CNTNAP2: variants seen among roughly 807,000 people sequenced by gnomAD.
CNTNAP2 encodes contactin associated protein 2.
Under a neutral mutation model 155.2 loss-of-function variants are expected in CNTNAP2, and 98 were observed. The observed-to-expected ratio is 0.63, with a 90% CI of 0.54 to 0.75. The LOEUF (loss-of-function observed/expected upper bound fraction) is 0.75. Among genes scored for constraint, CNTNAP2 ranks in the 30% least tolerant of loss-of-function variants. The pLI, the probability that CNTNAP2 is intolerant of heterozygous loss-of-function variation, is 0.00. For synonymous variants in CNTNAP2, 651 were observed against 631.2 expected, an observed-to-expected ratio of 1.03 and a Z score of -0.47; for missense variants, 1,727 against 1,688.1, an observed-to-expected ratio of 1.02 and a Z score of -0.40.
At chr7:147,381,815 A>G (rs1421371785) in intron 9 of CNTNAP2, among the ~76,000 whole-genome samples, 1 of 152,068 alleles carries the variant, frequency 6.6e-6, no homozygotes, top group East Asian at 1.9e-4. Context: ...ACTTTAGTAT[A>G]AACATATTTT....
At position 146,808,626 on chromosome 7, in the gene CNTNAP2, A is replaced by G. The variant is rs150143466; in HGVS notation, c.209-31085A>G. On this transcript the variant is annotated intron_variant, in intron 2 of 23. Transcript: ENST00000361727. ...AGGATTATCAAAATCAAGTTAATAC[A>G]TTCATTACCACTCATGCTGTACATT... Among the ~76,000 whole-genome samples the G allele has an allele frequency of 2.6e-5, 4 of 152,338 alleles. No homozygotes were observed. The East Asian group carries it at 7.7e-4, about 29-fold the overall frequency.
intron 1 of CNTNAP2, among the ~76,000 whole-genome samples, chr7:146,300,688 C>T (rs940891291): frequency 5.3e-5 from 8 of 151,992 alleles, no homozygotes; most frequent in Non-Finnish European, 1.2e-4. Flanking sequence ...CTCATACTCA[C>T]CTGCTTGGAG....
At chr7:147,755,909 G>C (rs1442418251) in intron 13 of CNTNAP2, among the ~76,000 whole-genome samples, 1 of 152,138 alleles carries the variant, frequency 6.6e-6, no homozygotes, top group Non-Finnish European at 1.5e-5. Flanking sequence ...AGTTTGTAGG[G>C]AGTAGATTTA....
intron 21 of CNTNAP2, among the ~76,000 whole-genome samples, chr7:148,283,076 A>G (rs1797000906): frequency 6.6e-6 from 1 of 151,590 alleles, no homozygotes; most frequent in Admixed American, 6.6e-5. Context: ...CTCTACTTTA[A>G]AAAACTACAA....
intron 10 of CNTNAP2, among the ~76,000 whole-genome samples, chr7:147,410,698 G>A (rs764415347): frequency 1.2e-4 from 18 of 152,052 alleles, no homozygotes; most frequent in Non-Finnish European, 1.9e-4. Flanking sequence ...TAACTGAGAC[G>A]TGATGTTAGT....
At chr7:146,222,541 AGTGTGTGTGTGTGTGT>A (rs10616515) in intron 1 of CNTNAP2, among the ~76,000 whole-genome samples, 5 of 147,268 alleles carry the variant, frequency 3.4e-5, no homozygotes, top group African/African-American at 7.5e-5. Flanking sequence ...ACTAAAGCAT[AGTGTGTGTGTGTGTGT>A]GTGTGTGTGT....
chr7:147,740,347 C>A (rs1175555273), intron 13 of CNTNAP2, among the ~76,000 whole-genome samples: 2 of 151,994 alleles, frequency 1.3e-5, no homozygotes, highest in Non-Finnish European at 2.9e-5. Flanking sequence ...ATTGGGCCCC[C>A]AAAAATAGTA....
At chr7:147,659,528 A>G (rs984498010) in intron 13 of CNTNAP2, among the ~76,000 whole-genome samples, 8 of 152,230 alleles carry the variant, frequency 5.3e-5, no homozygotes, top group Admixed American at 4.6e-4. Context: ...TCTGTGCATT[A>G]TTGTTAAAAA....
chr7:146,422,359 G>GTGTATATATA (rs1554431181), intron 1 of CNTNAP2, among the ~76,000 whole-genome samples: 1 of 148,118 alleles, frequency 6.8e-6, no homozygotes, highest in African/African-American at 2.5e-5. Flanking sequence ...GTATATATAT[G>GTGTATATATA]TATATATATA....
intron 1 of CNTNAP2, among the ~76,000 whole-genome samples, chr7:146,686,515 ACTCCT>A (rs1459981952): frequency 6.6e-6 from 1 of 151,950 alleles, no homozygotes; most frequent in Non-Finnish European, 1.5e-5. Flanking sequence ...AGACTTATGT[ACTCCT>A]CTCCTAGGGA....
At chr7:146,665,038 T>A (rs1346244411) in intron 1 of CNTNAP2, among the ~76,000 whole-genome samples, 1 of 152,138 alleles carries the variant, frequency 6.6e-6, no homozygotes, top group Non-Finnish European at 1.5e-5. Context: ...AACTTCTACC[T>A]CCCAGGTTCA....
intron 1 of CNTNAP2, among the ~76,000 whole-genome samples, chr7:146,253,884 C>T (rs1799795538): frequency 6.8e-6 from 1 of 146,060 alleles, no homozygotes; most frequent in Non-Finnish European, 1.5e-5. Context: ...TAGTGCAACC[C>T]TGTCACTACA....
intron 9 of CNTNAP2, among the ~76,000 whole-genome samples, chr7:147,306,816 T>G (rs1795037930): frequency 6.6e-6 from 1 of 152,154 alleles, no homozygotes; most frequent in Non-Finnish European, 1.5e-5. Context: ...AACTTGACCT[T>G]GATATGCAGC....
chr7:147,271,181 C>A (rs1422647411), intron 8 of CNTNAP2, among the ~76,000 whole-genome samples: 1 of 152,090 alleles, frequency 6.6e-6, no homozygotes, highest in Non-Finnish European at 1.5e-5. Context: ...TGAATAGATC[C>A]TTGTCTTAGC....
At chr7:146,335,197 G>A (rs1801253953) in intron 1 of CNTNAP2, among the ~76,000 whole-genome samples, 1 of 152,162 alleles carries the variant, frequency 6.6e-6, no homozygotes, top group African/African-American at 2.4e-5. Context: ...CCTATATGTT[G>A]AGAGTTTTCA....
intron 18 of CNTNAP2, among the ~76,000 whole-genome samples, chr7:148,177,250 T>C (rs1794953923): frequency 6.6e-6 from 1 of 152,018 alleles, no homozygotes; most frequent in South Asian, 2.1e-4. Flanking sequence ...TAAGTTGAGG[T>C]CATACTAGGA....
intron 3 of CNTNAP2, among the ~76,000 whole-genome samples, chr7:146,923,289 A>C (rs965715490): frequency 1.3e-5 from 2 of 152,200 alleles, no homozygotes; most frequent in African/African-American, 4.8e-5. Context: ...GGTAGCATTT[A>C]CTTAACACAT....
At chr7:146,550,418 T>TTTGTTG (rs1554447450) in intron 1 of CNTNAP2, among the ~76,000 whole-genome samples, 11 of 139,828 alleles carry the variant, frequency 7.9e-5, no homozygotes, top group Admixed American at 3.6e-4. Flanking sequence ...TTTTTTTTTT[T>TTTGTTG]TTTTTTTTTT....
At chr7:146,568,456 A>C (rs957613139) in intron 1 of CNTNAP2, among the ~76,000 whole-genome samples, 1 of 152,232 alleles carries the variant, frequency 6.6e-6, no homozygotes, top group Non-Finnish European at 1.5e-5. Context: ...CTGATCGTAT[A>C]GGATTATCAA....
Sources: gnomAD v4.1 joint callset for allele counts (sites outside exome capture counted in the v4.1 genomes callset) on GRCh38, gnomAD v4.1.1 for gene constraint, MANE v1.5 for transcripts, NCBI Gene and HGNC (gene_info 2026-07-23, HGNC 2026-07-21) for gene names.